The following DNAJC2 variants were observed in gnomAD, a reference collection of about 807,000 sequenced individuals.
The protein encoded by DNAJC2 is DnaJ heat shock protein family (Hsp40) member C2, also known as dnaJ homolog subfamily C member 2.
Under a neutral mutation model 94.0 loss-of-function variants are expected in DNAJC2, and 32 were observed. The ratio of observed to expected loss-of-function variants is 0.34; its 90% confidence interval spans 0.26 to 0.46. The LOEUF (loss-of-function observed/expected upper bound fraction) is 0.46, where lower values mean the gene tolerates loss of function less well. DNAJC2 is among the 20% of genes least tolerant of loss of function. DNAJC2 has a pLI of 1.00. For synonymous variants in DNAJC2, 210 were observed against 229.7 expected, an observed-to-expected ratio of 0.91 and a Z score of 0.77; for missense variants, 550 against 719.5, an observed-to-expected ratio of 0.76 and a Z score of 2.69.
intron 3 of DNAJC2, among the ~76,000 whole-genome samples, chr7:103,333,378 A>C (rs1244755880): frequency 6.6e-6 from 1 of 152,220 alleles, no homozygotes; most frequent in African/African-American, 2.4e-5. Context: ...TAAAGCAGTA[A>C]TCTTACTTTT....
At chr7:103,343,063 A>T (rs1041280164) in intron 1 of DNAJC2, among the ~76,000 whole-genome samples, 2 of 146,830 alleles carry the variant, frequency 1.4e-5, no homozygotes, top group African/African-American at 5.0e-5. Context: ...GCAATAGCGC[A>T]ATCTCGGCTC....
chr7:103,322,631 G>A lies in DNAJC2; in HGVS notation c.813C>T (p.Asp271=). The change falls in exon 9 of 17, where the codon GAC becomes GAT. Residue 271 remains aspartate (D), a splice_region_variant and synonymous_variant. Transcript: ENST00000379263. ...TCCTTGGATCACAGCTGTATGCATT[G>A]TCTAGCAAAAGAAAAAGTTAATCTC... is the stretch of plus-strand genomic sequence containing the variant. The part of the protein sequence containing the change: ...EEMNRIRTLV[D]NAYSCDPRIK... 1 of 1,612,918 alleles carries A rather than the reference G, an allele frequency of 6.2e-7. No individual in the cohort carries two copies. Among genetic ancestry groups the A allele is most frequent in the Non-Finnish European group, 8.5e-7 (1 of 1,179,706 alleles).
chr7:103,312,884 T>C, intron 16 of DNAJC2, 63 bp downstream of exon 16: 6 of 1,560,918 alleles, frequency 3.8e-6, no homozygotes, highest in Non-Finnish European at 5.2e-6. Context: ...ACATAAAATA[T>C]GAGCTATATC....
intron 2 of DNAJC2, 118 bp from the exon 3 acceptor site, chr7:103,337,929 A>C (rs185190229): frequency 1.4e-6 from 1 of 716,356 alleles, no homozygotes; most frequent in South Asian, 1.7e-5. Context: ...GAGTCCAGTA[A>C]GAGGTTCTGT....
chr7:103,333,844 G>A (rs1819064042), intron 3 of DNAJC2, among the ~76,000 whole-genome samples: 1 of 152,042 alleles, frequency 6.6e-6, no homozygotes, highest in East Asian at 1.9e-4. Flanking sequence ...TTGCTGATTA[G>A]TATTCCACTG....
intron 2 of DNAJC2, among the ~76,000 whole-genome samples, chr7:103,341,541 G>C (rs971600914): frequency 6.6e-6 from 1 of 152,144 alleles, no homozygotes; most frequent in Admixed American, 6.5e-5. Context: ...TTTAAGACCG[G>C]TGCAAACATT....
rs200619898 is a variant in DNAJC2, at chr7:103,319,823, T to C, written c.1105A>G (p.Asn369Asp). Residue 369 changes from asparagine (N) to aspartate (D), a missense_variant, in exon 11 of 17, where the codon AAT becomes GAT. Physicochemically the swap from Asn to Asp is conservative, Grantham distance 23. This residue lies in a region of DNAJC2 where 271 missense variants were observed against 302.6 expected (regional missense o/e 0.90). Coordinates refer to ENST00000379263, the MANE Select transcript of DNAJC2 (RefSeq NM_014377.3). ...ATCATTTTAACCCGCTCTGCCTCAT[T>C]ATCAGAAAAATGATTCCAGGTCTAA... ...SCKTWNHFSD[N>D]EAERVKMMEE... 68 of 1,614,026 alleles carry C rather than the reference T, an allele frequency of 4.2e-5. No homozygotes were observed. The highest frequency in any genetic ancestry group is 5.6e-5 in the Non-Finnish European group (66 of 1,180,026).
Position 103,314,247 on chromosome 7 carries a change from CCTG to C in DNAJC2, c.1637-1149_1637-1147del, listed in dbSNP as rs1240998555. 6 of 985,252 alleles carry C rather than the reference CCTG, an allele frequency of 6.1e-6. No homozygotes were observed. In the African/African-American group the frequency reaches 1.0e-4, roughly 17 times the overall value. 61.0% of individuals were successfully genotyped at this position (985,252 alleles called of 1,614,324 possible). On this transcript the variant is annotated intron_variant, in intron 15 of 16. Coordinates refer to ENST00000379263, the MANE Select transcript of DNAJC2 (RefSeq NM_014377.3). ...AGATGGAAGTGACATGGCAGTATTTCCTGCTGTTCTCCAGTTACTTCACAATAC... is the reference window on the plus strand; with the variant it reads ...AGATGGAAGTGACATGGCAGTATTTCCTGTTCTCCAGTTACTTCACAATAC...
intron 3 of DNAJC2, among the ~76,000 whole-genome samples, chr7:103,331,572 T>C (rs77200491): frequency 0.028 from 4,237 of 152,266 alleles, 215 homozygotes; most frequent in African/African-American, 0.096. Context: ...CGAGATCAAC[T>C]TTTTAAGCTC....
chr7:103,330,785 T>C (rs530913259), intron 3 of DNAJC2, among the ~76,000 whole-genome samples: 14 of 151,664 alleles, frequency 9.2e-5, no homozygotes, highest in African/African-American at 3.4e-4. Flanking sequence ...TTTCGTCATG[T>C]TGGCCAGGCT....
intron 15 of DNAJC2, chr7:103,314,636 C>G: frequency 4.1e-6 from 4 of 985,292 alleles, no homozygotes; most frequent in Non-Finnish European, 3.6e-6. Flanking sequence ...GTTCTGAAAC[C>G]CTGCCTTGTT....
In DNAJC2 at chr7:103,337,776, A is replaced by G. The variant is rs1383754849; in HGVS notation, c.291T>C (p.His97=). 2 of 1,613,784 alleles carry G rather than the reference A, an allele frequency of 1.2e-6. No homozygotes were observed. Among genetic ancestry groups the G allele is most frequent in the African/African-American group, 1.3e-5 (1 of 74,910 alleles). Residue 97 remains histidine (H), a synonymous_variant, in exon 3 of 17, where the codon CAT becomes CAC. Coordinates refer to ENST00000379263, the MANE Select transcript of DNAJC2 (RefSeq NM_014377.3). The stretch of plus-strand genomic sequence containing the variant: ...GTCTCTGTGTAGCCTTGTATCTCAC[A>G]TGGCCAAGTCCAAGAACTGCATAAT... ...QDHYAVLGLG[H]VRYKATQRQI...
chr7:103,315,647 C>T (rs1418354553), intron 15 of DNAJC2, 117 bp downstream of exon 15: 2 of 608,310 alleles, frequency 3.3e-6, no homozygotes, highest in Non-Finnish European at 2.8e-6. Context: ...CTTACAGCTT[C>T]CAGTCTGCTA....
chr7:103,315,770 A>C lies in DNAJC2; in HGVS notation c.1630T>G (p.Phe544Val), dbSNP rs750914932. ...TTAGAAAAGCAAAATTTACCTTCAAATCGTTCTGAAGGCGTTGCGTTGTCT... is the reference window on the plus strand; with the variant it reads ...TTAGAAAAGCAAAATTTACCTTCAACTCGTTCTGAAGGCGTTGCGTTGTCT... ...QADNATPSER[F>V]EGPYTDFTPW... The change falls in exon 15 of 17, where the codon TTT becomes GTT. Residue 544 changes from phenylalanine to valine, a missense_variant. By Grantham distance (50) the Phe-to-Val change is conservative. Coordinates refer to ENST00000379263, the MANE Select transcript of DNAJC2 (RefSeq NM_014377.3). The C allele has an allele frequency of 1.2e-5, 19 of 1,612,934 alleles. No individual in the cohort carries two copies. Among genetic ancestry groups the C allele is most frequent in the Admixed American group, 1.7e-5 (1 of 59,930 alleles).
intron 13 of DNAJC2, 24 bp downstream of exon 13, chr7:103,316,806 G>T (rs1563456018): frequency 6.2e-7 from 1 of 1,602,010 alleles, no homozygotes; most frequent in South Asian, 1.1e-5. Flanking sequence ...GTGAGTTGAA[G>T]AAAAGTTTCA....
intron 1 of DNAJC2, among the ~76,000 whole-genome samples, chr7:103,342,937 T>C (rs942847810): frequency 1.3e-5 from 2 of 151,784 alleles, no homozygotes; most frequent in African/African-American, 4.8e-5. Context: ...AAGTAATAAA[T>C]AGTGATAAAT....
chr7:103,341,408 C>T (rs776740003), intron 2 of DNAJC2, among the ~76,000 whole-genome samples: 30 of 152,172 alleles, frequency 2.0e-4, no homozygotes, highest in Non-Finnish European at 2.8e-4. Context: ...GTACCCTATA[C>T]GACTTATCAA....
chr7:103,340,442 G>A (rs1314940090), intron 2 of DNAJC2, among the ~76,000 whole-genome samples: 5 of 152,164 alleles, frequency 3.3e-5, no homozygotes, highest in Admixed American at 3.3e-4. Context: ...AACAACCAAT[G>A]ACATAGGAAC....
chr7:103,331,456 T>C (rs1337030922), intron 3 of DNAJC2, among the ~76,000 whole-genome samples: 1 of 152,212 alleles, frequency 6.6e-6, no homozygotes, highest in Non-Finnish European at 1.5e-5. Context: ...CTGGGACTTA[T>C]TCCTTCTAAT....
Sources: allele counts gnomAD v4.1 joint callset (sites outside exome capture counted in the v4.1 genomes callset), GRCh38; gene constraint gnomAD v4.1.1; regional missense constraint gnomAD v4.1.1; transcripts MANE v1.5; gene names NCBI Gene and HGNC (gene_info 2026-07-23, HGNC 2026-07-21).